Variants in NBEA observed in about 807,000 individuals in gnomAD.
NBEA encodes neurobeachin, also known as lysosomal-trafficking regulator 2.
In NBEA, 44 loss-of-function variants were observed where a neutral mutation model predicts 343.4. That is an observed-to-expected ratio of 0.13 (90% confidence interval 0.10 to 0.16). The LOEUF is 0.16. Among genes scored for constraint, NBEA ranks in the 10% least tolerant of loss-of-function variants. The pLI is 1.00. For synonymous variants in NBEA, 1,175 were observed against 1,238.7 expected (o/e 0.95, Z 1.08); for missense variants, 2,555 against 3,631.3 (o/e 0.70, Z 7.62).
intron 8 of NBEA, among the ~76,000 whole-genome samples, chr13:35,068,529 G>A (rs777661699): frequency 6.6e-6 from 1 of 152,032 alleles, no homozygotes; most frequent in Non-Finnish European, 1.5e-5. Flanking sequence ...GGTATGCTGA[G>A]TTCTTAAGCA....
chr13:35,096,132 A>ACCT, intron 10 of NBEA, among the ~76,000 whole-genome samples: 2 of 151,232 alleles, frequency 1.3e-5, no homozygotes, highest in South Asian at 4.2e-4. Context: ...TTGAAAATGT[A>ACCT]CCTCTTCGAA....
At chr13:35,480,058 G>GAAAAAAAAAAAA (rs35107997) in intron 41 of NBEA, among the ~76,000 whole-genome samples, 1 of 136,368 alleles carries the variant, frequency 7.3e-6, no homozygotes. Flanking sequence ...TACCAGTTAG[G>GAAAAAAAAAAAA]AAAAAAAAAA....
intron 34 of NBEA, among the ~76,000 whole-genome samples, chr13:35,234,532 G>T (rs2075133825): frequency 6.6e-6 from 1 of 152,150 alleles, no homozygotes; most frequent in Admixed American, 6.6e-5. Flanking sequence ...AATAGGATAT[G>T]TGCTATAATG....
At chr13:35,135,583 T>G (rs2067673450) in intron 17 of NBEA, among the ~76,000 whole-genome samples, 1 of 152,024 alleles carries the variant, frequency 6.6e-6, no homozygotes, top group South Asian at 2.1e-4. Context: ...AATTTTTATT[T>G]AAAGGTTAAA....
chr13:35,348,082 G>A (rs978798159), intron 36 of NBEA, among the ~76,000 whole-genome samples: 8 of 152,122 alleles, frequency 5.3e-5, no homozygotes, highest in African/African-American at 1.7e-4. Flanking sequence ...TCCACAAGGA[G>A]TAGAAAAAGT....
At chr13:35,061,242 A>G (rs1243688207) in intron 8 of NBEA, among the ~76,000 whole-genome samples, 2 of 151,652 alleles carry the variant, frequency 1.3e-5, no homozygotes, top group Non-Finnish European at 3.0e-5. Flanking sequence ...AATATTCTGT[A>G]CTTGGTTATT....
At chr13:35,089,298 C>T (rs1393253022) in intron 10 of NBEA, among the ~76,000 whole-genome samples, 1 of 148,898 alleles carries the variant, frequency 6.7e-6, no homozygotes, top group Non-Finnish European at 1.5e-5. Context: ...AGCCAAAAAA[C>T]ACATGAAAAA....
chr13:35,543,340 A>G (rs2078917075), intron 41 of NBEA, among the ~76,000 whole-genome samples: 1 of 152,218 alleles, frequency 6.6e-6, no homozygotes, highest in Non-Finnish European at 1.5e-5. Flanking sequence ...AGTAAACAGC[A>G]TGTCGAAGTT....
At chr13:35,274,720 TAGAG>T (rs563300141) in intron 34 of NBEA, among the ~76,000 whole-genome samples, 132 of 148,112 alleles carry the variant, frequency 8.9e-4, no homozygotes, top group African/African-American at 2.6e-3. Context: ...ACACCAGTAA[TAGAG>T]AGCCAAATTA....
At chr13:35,459,319 A>G (rs1415636458) in intron 40 of NBEA, among the ~76,000 whole-genome samples, 1 of 152,148 alleles carries the variant, frequency 6.6e-6, no homozygotes, top group African/African-American at 2.4e-5. Flanking sequence ...CCAGTGGTGA[A>G]AACAGGGCTG....
chr13:35,564,242 G>T (rs989309680), intron 44 of NBEA, among the ~76,000 whole-genome samples: 21 of 151,580 alleles, frequency 1.4e-4, no homozygotes, highest in Non-Finnish European at 2.5e-4. Flanking sequence ...TAACAATTGT[G>T]GTTATCTGAT....
intron 1 of NBEA, among the ~76,000 whole-genome samples, chr13:35,029,191 A>G (rs1300963782): frequency 6.6e-6 from 1 of 151,516 alleles, no homozygotes; most frequent in Non-Finnish European, 1.5e-5. Flanking sequence ...TATATGATAT[A>G]TAACACATAT....
intron 1 of NBEA, among the ~76,000 whole-genome samples, chr13:34,985,442 A>G (rs574120513): frequency 1.3e-5 from 2 of 151,144 alleles, no homozygotes; most frequent in East Asian, 3.9e-4. Context: ...TTGGTTTGCC[A>G]GTATTTTATT....
intron 38 of NBEA, among the ~76,000 whole-genome samples, chr13:35,402,926 A>G (rs2043065541): frequency 6.6e-6 from 1 of 152,068 alleles, no homozygotes; most frequent in South Asian, 2.1e-4. Flanking sequence ...CCTACAAAAG[A>G]ACAATAAGCT....
chr13:35,087,135 T>C (rs1179138611), intron 10 of NBEA, among the ~76,000 whole-genome samples: 1 of 151,800 alleles, frequency 6.6e-6, no homozygotes, highest in Non-Finnish European at 1.5e-5. Flanking sequence ...CTTTGCTGTG[T>C]AGAAGCTTTT....
intron 10 of NBEA, among the ~76,000 whole-genome samples, chr13:35,074,812 TTGGGGGG>T (rs1263338487): frequency 6.6e-6 from 1 of 152,178 alleles, no homozygotes; most frequent in Non-Finnish European, 1.5e-5. Flanking sequence ...TACCTATTTT[TTGGGGGG>T]AGGGAAGTGG....
At chr13:35,407,625 T>C (rs540613661) in intron 38 of NBEA, among the ~76,000 whole-genome samples, 1 of 152,288 alleles carries the variant, frequency 6.6e-6, no homozygotes, top group African/African-American at 2.4e-5. Context: ...GACATGTGTC[T>C]GTCCACTTTA....
intron 48 of NBEA, 22 bp downstream of exon 48, chr13:35,606,600 C>T: frequency 6.4e-7 from 1 of 1,573,296 alleles, no homozygotes; most frequent in Non-Finnish European, 8.7e-7. Context: ...TTTGCTTTTG[C>T]TTGGGCAGTC....
At chr13:35,266,195 G>A (rs1273079421) in intron 34 of NBEA, among the ~76,000 whole-genome samples, 1 of 151,746 alleles carries the variant, frequency 6.6e-6, no homozygotes, top group Non-Finnish European at 1.5e-5. Flanking sequence ...AATAAGTGTT[G>A]GCAAGGATAT....
Sources: gnomAD v4.1 joint callset for allele counts (sites outside exome capture counted in the v4.1 genomes callset) on GRCh38, gnomAD v4.1.1 for gene constraint, MANE v1.5 for transcripts, NCBI Gene and HGNC (gene_info 2026-07-23, HGNC 2026-07-21) for gene names.